The following PLAUR variants were observed in gnomAD, a reference collection of about 807,000 sequenced individuals.
The protein encoded by PLAUR is urokinase plasminogen activator surface receptor.
In PLAUR, 22 loss-of-function variants were observed where a neutral mutation model predicts 33.4. That is an observed-to-expected ratio of 0.66 (90% CI 0.47 to 0.94). PLAUR has a LOEUF of 0.94. Ranked by LOEUF, PLAUR falls within the 40% of genes least tolerant of loss-of-function variation. PLAUR has a pLI of 0.00. For missense variants in PLAUR, 408 were observed against 434.7 expected (o/e 0.94, Z 0.55); for synonymous variants, 148 against 167.3 (o/e 0.88, Z 0.89).
At chr19:43,666,662 G>A (rs565824052) in intron 2 of PLAUR, among the ~76,000 whole-genome samples, 5 of 151,762 alleles carry the variant, frequency 3.3e-5, no homozygotes, top group Non-Finnish European at 7.4e-5. Context: ...CCGCCTCCTG[G>A]GTTCAAACAA....
At chr19:43,656,310 T>C (rs369799284) in intron 4 of PLAUR, among the ~76,000 whole-genome samples, 169 bp downstream of exon 4, 1 of 150,280 alleles carries the variant, frequency 6.7e-6, no homozygotes, top group East Asian at 1.9e-4. Context: ...GGGTTCCTGG[T>C]GACTCTGGAC....
At position 43,667,634 on chromosome 19, in the gene PLAUR, T is replaced by A. The variant is rs775850345; in HGVS notation, c.113A>T (p.Glu38Val). ...GCAGAGGTCCTGTCCCAGGGCGCAC[T>A]CTTCCACACGGCAATCCCCGTTGGT... ...CKTNGDCRVE[E>V]CALGQDLCRT... The change falls in exon 2 of 7, where the codon GAG (glutamate) becomes GTG (valine). Residue 38 changes from glutamate to valine, a missense_variant. By Grantham distance (121) the Glu-to-Val change is moderately radical (BLOSUM62 -2). Coordinates refer to ENST00000340093, the MANE Select transcript of PLAUR (RefSeq NM_002659.4). 1 of 1,614,048 alleles carries A rather than the reference T, an allele frequency of 6.2e-7. No individual in the cohort carries two copies.
chr19:43,663,352 C>G (rs1016666192), intron 3 of PLAUR, among the ~76,000 whole-genome samples: 91 of 133,698 alleles, frequency 6.8e-4, no homozygotes, highest in African/African-American at 2.0e-3. Context: ...CACACACACA[C>G]AGGACTGTGA....
chr19:43,656,941 CTTTTTTT>C (rs113667043), intron 3 of PLAUR: 2 of 148,570 alleles, frequency 1.3e-5, no homozygotes, highest in Non-Finnish European at 2.8e-5. Context: ...CATTTCTTTC[CTTTTTTT>C]TTTTTTTTTT....
At chr19:43,667,747 C>T (rs1967320941) in intron 1 of PLAUR, 56 bp from the exon 2 acceptor site, 1 of 1,589,234 alleles carries the variant, frequency 6.3e-7, no homozygotes, top group East Asian at 2.3e-5. Context: ...TCCAAGACCC[C>T]CGCTCACCCC....
intron 3 of PLAUR, among the ~76,000 whole-genome samples, chr19:43,659,939 G>A (rs959394738): frequency 6.6e-6 from 1 of 151,988 alleles, no homozygotes; most frequent in East Asian, 1.9e-4. Flanking sequence ...CCTTTCTTCT[G>A]TTTTCCTGAA....
At chr19:43,665,483 C>A in intron 2 of PLAUR, 24 bp from the exon 3 acceptor site, 1 of 1,611,148 alleles carries the variant, frequency 6.2e-7, no homozygotes, top group Non-Finnish European at 8.5e-7. Context: ...ATCTTCATTA[C>A]CCCAGAGGCT....
At chr19:43,657,334 T>A (rs4251873) in intron 3 of PLAUR, among the ~76,000 whole-genome samples, 10,204 of 152,082 alleles carry the variant, frequency 0.067, 420 homozygotes, top group Middle Eastern at 0.19. Context: ...TGAAAATAAA[T>A]TCCAAGATCC....
chr19:43,668,970 C>T (rs1967399665), intron 1 of PLAUR, among the ~76,000 whole-genome samples: 1 of 152,204 alleles, frequency 6.6e-6, no homozygotes, highest in African/African-American at 2.4e-5. Flanking sequence ...GCAGCCCAGT[C>T]CCTAGGCCCG....
chr19:43,653,704 G>A (rs1356052485), intron 5 of PLAUR, among the ~76,000 whole-genome samples: 2 of 152,106 alleles, frequency 1.3e-5, no homozygotes, highest in Admixed American at 1.3e-4. Context: ...TGAAGGCCAG[G>A]TGCAGCGGCT....
At chr19:43,648,380 G>A (rs1229791763), downstream of PLAUR, among the ~76,000 whole-genome samples, 1 of 152,102 alleles carries the variant, frequency 6.6e-6, no homozygotes, top group African/African-American at 2.4e-5. Flanking sequence ...GAATGGTGGT[G>A]TTTGTTCAAG....
chr19:43,663,050 G>C (rs1967071603), intron 3 of PLAUR, among the ~76,000 whole-genome samples: 1 of 151,962 alleles, frequency 6.6e-6, no homozygotes, highest in Non-Finnish European at 1.5e-5. Flanking sequence ...CTTAGCTGTT[G>C]CTTCCCCTAG....
At chr19:43,668,225 C>T in intron 1 of PLAUR, 1 of 987,372 alleles carries the variant, frequency 1.0e-6, no homozygotes, top group Non-Finnish European at 1.2e-6. Context: ...AATTTATTCC[C>T]AAATTCTAGG....
intron 2 of PLAUR, chr19:43,667,362 A>T (rs1967300053): frequency 1.7e-6 from 1 of 581,756 alleles, no homozygotes; most frequent in Admixed American, 3.0e-5. Flanking sequence ...TGATGTGCCA[A>T]TTTACTCCCC....
chr19:43,665,404 G>A lies in PLAUR; in HGVS notation c.222C>T (p.Asn74=), dbSNP rs11546138. ...EKSCTHSEKT[N]RTLSYRTGLK... ...AGCCAGTCCGATAGCTCAGGGTCCT[G>A]TTGGTCTTCTCTGAGTGGGTACAGC... Residue 74 remains asparagine (N), a synonymous_variant, in exon 3 of 7, where the codon AAC becomes AAT. Coordinates refer to ENST00000340093, the MANE Select transcript of PLAUR (RefSeq NM_002659.4). 1.2e-6 allele frequency: 2 copies of A among 1,613,468 alleles called. No individual in the cohort carries two copies. The highest frequency in any genetic ancestry group is 2.7e-5 in the African/African-American group (2 of 74,764).
At chr19:43,667,733 T>C (rs1303801293) in intron 1 of PLAUR, 42 bp from the exon 2 acceptor site, 30 of 1,605,532 alleles carry the variant, frequency 1.9e-5, no homozygotes, top group Non-Finnish European at 2.5e-5. Flanking sequence ...TAACTACGCT[T>C]AGCTCCAAGA....
At chr19:43,654,787 T>C (rs1207517975) in intron 5 of PLAUR, among the ~76,000 whole-genome samples, 2 of 151,292 alleles carry the variant, frequency 1.3e-5, no homozygotes, top group East Asian at 3.9e-4. Flanking sequence ...GGCTGTAGGG[T>C]GGCAGGAGTG....
chr19:43,649,012 G>T lies in PLAUR; in HGVS notation c.886C>A (p.Pro296Thr), dbSNP rs202097085. The change falls in exon 7 of 7, where the codon CCA becomes ACA. Residue 296 changes from proline to threonine, a missense_variant. Coordinates refer to ENST00000340093, the MANE Select transcript of PLAUR (RefSeq NM_002659.4). The part of the protein sequence containing the change: ...SCCTKSGCNH[P>T]DLDVQYRSGA... Reference sequence around the variant, plus strand: ...CTGCGGTACTGGACATCCAGGTCTGGGTGGTTACAGCCACTTTTAGTACAG... The same window carrying T: ...CTGCGGTACTGGACATCCAGGTCTGTGTGGTTACAGCCACTTTTAGTACAG... 6.2e-7 allele frequency: 1 copy of T among 1,614,216 alleles called. No homozygotes were observed. The highest frequency in any genetic ancestry group is 2.2e-5 in the East Asian group (1 of 44,886).
rs569302634 is a variant in PLAUR at position 43,654,532 on chromosome 19, C to T, written c.607+907G>A. Among the ~76,000 whole-genome samples, 7 of 151,776 alleles carry T rather than the reference C, an allele frequency of 4.6e-5. No individual in the cohort carries two copies. The East Asian group carries it at 1.4e-3, about 30-fold the overall frequency. On this transcript the variant is annotated intron_variant, in intron 5 of 6. Transcript: ENST00000340093. ...CTTTGGGAGGCCAAGCCCAGGAGTT[C>T]AAGACCAGCCTGGGCAACAAAGCAA...
Sources: allele counts gnomAD v4.1 joint callset (sites outside exome capture counted in the v4.1 genomes callset), GRCh38; gene constraint gnomAD v4.1.1; transcripts MANE v1.5; gene names NCBI Gene and HGNC (gene_info 2026-07-23, HGNC 2026-07-21).